Variants in FLRT2 observed in about 807,000 individuals in gnomAD.
FLRT2 encodes leucine-rich repeat transmembrane protein FLRT2.
In FLRT2, 15 loss-of-function variants were observed where a neutral mutation model predicts 40.0. The observed-to-expected ratio is 0.38, with a 90% CI of 0.25 to 0.58. FLRT2 has a LOEUF of 0.58. Among genes scored for constraint, FLRT2 ranks in the 20% least tolerant of loss-of-function variants. The pLI is 0.71. For synonymous variants in FLRT2, 380 were observed against 336.8 expected (o/e 1.13, Z -1.41); for missense variants, 726 against 840.0 (o/e 0.86, Z 1.68).
chr14:85,580,501 A>T (rs1230590756), intron 1 of FLRT2, among the ~76,000 whole-genome samples: 2 of 152,192 alleles, frequency 1.3e-5, no homozygotes, highest in African/African-American at 4.8e-5. Flanking sequence ...ATTTTTAGAA[A>T]ATAGTATTCA....
chr14:85,536,950 C>T (rs1304420285), intron 1 of FLRT2, among the ~76,000 whole-genome samples: 1 of 152,146 alleles, frequency 6.6e-6, no homozygotes, highest in East Asian at 1.9e-4. Flanking sequence ...CACAATGCTG[C>T]TGAATGTAAG....
chr14:85,565,776 T>A (rs1244078324), intron 1 of FLRT2, among the ~76,000 whole-genome samples: 2 of 152,166 alleles, frequency 1.3e-5, no homozygotes, highest in African/African-American at 2.4e-5. Context: ...GAAAATGTGC[T>A]TGATGTGACA....
At chr14:85,537,236 A>T (rs188171528) in intron 1 of FLRT2, among the ~76,000 whole-genome samples, 27 of 152,192 alleles carry the variant, frequency 1.8e-4, no homozygotes, top group Admixed American at 2.6e-4. Context: ...CGATTATTTC[A>T]AATGCTAATT....
In FLRT2 at chr14:85,636,225, T is replaced by A. The variant is rs1893995413; in HGVS notation, c.*12728T>A. 6.6e-6 allele frequency: 1 copy of A among 151,982 alleles called. No individual in the cohort carries two copies. The highest frequency in any genetic ancestry group is 1.5e-5 in the Non-Finnish European group (1 of 67,974). 9.4% of individuals were successfully genotyped at this position (151,982 alleles called of 1,614,324 possible). On this transcript the variant is annotated 3_prime_UTR_variant, in exon 2 of 2. Transcript: ENST00000330753. Reference sequence around the variant, plus strand: ...AGTTAGTTTTAAATATTATGCTACCTCTATAAAGGACCAAAATAGTATTTT... The same window carrying A: ...AGTTAGTTTTAAATATTATGCTACCACTATAAAGGACCAAAATAGTATTTT...
At chr14:85,577,453 T>C (rs1378764982) in intron 1 of FLRT2, among the ~76,000 whole-genome samples, 2 of 152,178 alleles carry the variant, frequency 1.3e-5, no homozygotes, top group Non-Finnish European at 2.9e-5. Flanking sequence ...TAAAAGGAGA[T>C]GCATGGATTT....
chr14:85,546,904 G>A (rs777725766), intron 1 of FLRT2, among the ~76,000 whole-genome samples: 2 of 152,118 alleles, frequency 1.3e-5, no homozygotes, highest in Non-Finnish European at 2.9e-5. Flanking sequence ...AACAAAATAT[G>A]CTGCCTAGAA....
Position 85,622,619 on chromosome 14 carries a change from C to T in FLRT2, c.1105C>T (p.Leu369Phe), listed in dbSNP as rs932839003. ...SCPTTTPGLP[L>F]FTPAPSTASP... ...TCCCACCACGACCCCCGGCCTGCCT[C>T]TCTTCACCCCAGCCCCAAGTACAGC... The change falls in exon 2 of 2, where the codon CTC becomes TTC. Residue 369 changes from leucine to phenylalanine, a missense_variant. By Grantham distance (22) the Leu-to-Phe change is conservative. This residue lies in a region of FLRT2 where 611 missense variants were observed against 690.0 expected (regional missense o/e 0.89). Coordinates refer to ENST00000330753, the MANE Select transcript of FLRT2 (RefSeq NM_013231.6). 1.2e-6 allele frequency: 2 copies of T among 1,613,856 alleles called. No homozygotes were observed. The highest frequency in any genetic ancestry group is 1.7e-6 in the Non-Finnish European group (2 of 1,180,000).
chr14:85,592,133 GA>G (rs1299014674), intron 1 of FLRT2, among the ~76,000 whole-genome samples: 1 of 134,530 alleles, frequency 7.4e-6, no homozygotes, highest in Non-Finnish European at 1.6e-5. Context: ...GTGACAGGAA[GA>G]AAACAAAAAA....
intron 1 of FLRT2, among the ~76,000 whole-genome samples, chr14:85,578,188 A>C (rs936055704): frequency 1.3e-4 from 19 of 140,922 alleles, no homozygotes; most frequent in South Asian, 1.1e-3. Context: ...CTTTATATAT[A>C]TTTATATATA....
rs1393498669 is a variant in FLRT2 at position 85,653,621 on chromosome 14, C to T, written c.*30124C>T. 1 of 152,222 alleles carries T rather than the reference C, an allele frequency of 6.6e-6. No individual in the cohort carries two copies. The highest frequency in any genetic ancestry group is 1.5e-5 in the Non-Finnish European group (1 of 68,062). 9.4% of individuals were successfully genotyped at this position (152,222 alleles called of 1,614,324 possible). On this transcript the variant is annotated 3_prime_UTR_variant, in exon 2 of 2. Transcript: ENST00000330753. Reference sequence around the variant, plus strand: ...AGAAACCCTGGTCCAAGCGAACTGTCTCCTTCACCAAAGCCACCTTGGAGA... The same window carrying T: ...AGAAACCCTGGTCCAAGCGAACTGTTTCCTTCACCAAAGCCACCTTGGAGA...
intron 1 of FLRT2, among the ~76,000 whole-genome samples, chr14:85,533,692 G>A (rs1725240297): frequency 6.6e-6 from 1 of 152,106 alleles, no homozygotes; most frequent in South Asian, 2.1e-4. Flanking sequence ...CCTGGAGGCG[G>A]TGGTGGCGGA....
At chr14:85,620,463 A>G (rs1893331856) in intron 1 of FLRT2, among the ~76,000 whole-genome samples, 1 of 152,150 alleles carries the variant, frequency 6.6e-6, no homozygotes, top group Admixed American at 6.5e-5. Context: ...ATTCTCTAAA[A>G]TTTTCCATTA....
Position 85,622,922 on chromosome 14 carries a change from A to G in FLRT2, c.1408A>G (p.Ile470Val), listed in dbSNP as rs1893479055. ...AGTAGGGGGCATCGTTCAGGAGCGC[A>G]TAGTCAGCGGTGAGAAGCAACACCT... is the stretch of plus-strand genomic sequence containing the variant. ...SLVGGIVQER[I>V]VSGEKQHLSL... Residue 470 changes from isoleucine to valine, a missense_variant, in exon 2 of 2, where the codon ATA becomes GTA. Physicochemically the swap from Ile to Val is conservative, Grantham distance 29 (BLOSUM62 3). Around this residue, in one of 3 missense-constraint regions of FLRT2, gnomAD observed 611 missense variants for 690.0 expected, o/e 0.89. Transcript: ENST00000330753. 1 of 1,614,184 alleles carries G rather than the reference A, an allele frequency of 6.2e-7. No homozygotes were observed. The highest frequency in any genetic ancestry group is 1.1e-5 in the South Asian group (1 of 91,090).
chr14:85,566,642 T>G (rs530465213), intron 1 of FLRT2, among the ~76,000 whole-genome samples: 1 of 151,862 alleles, frequency 6.6e-6, no homozygotes, highest in Non-Finnish European at 1.5e-5. Context: ...TTTCGTATTC[T>G]TCAGTAGTTG....
At chr14:85,562,430 A>G (rs1047415786) in intron 1 of FLRT2, among the ~76,000 whole-genome samples, 2 of 152,144 alleles carry the variant, frequency 1.3e-5, no homozygotes, top group African/African-American at 4.8e-5. Flanking sequence ...GGCTGTGAAG[A>G]CCAAATGCAG....
chr14:85,556,119 A>G (rs748964893), intron 1 of FLRT2, among the ~76,000 whole-genome samples: 8 of 152,206 alleles, frequency 5.3e-5, no homozygotes, highest in Non-Finnish European at 1.2e-4. Context: ...AATATCTTCA[A>G]TGCAATAATA....
chr14:85,600,202 G>T (rs1892323094), intron 1 of FLRT2, among the ~76,000 whole-genome samples: 1 of 152,224 alleles, frequency 6.6e-6, no homozygotes, highest in African/African-American at 2.4e-5. Context: ...TGTAACAAAA[G>T]ATGTTGATGC....
intron 1 of FLRT2, among the ~76,000 whole-genome samples, chr14:85,617,585 A>ACCACAG (rs1400008143): frequency 6.6e-6 from 1 of 152,136 alleles, no homozygotes; most frequent in Non-Finnish European, 1.5e-5. Context: ...TTCAGTAGGA[A>ACCACAG]CCACAGCTGG....
At chr14:85,560,165 A>G (rs953617824) in intron 1 of FLRT2, among the ~76,000 whole-genome samples, 1 of 152,152 alleles carries the variant, frequency 6.6e-6, no homozygotes, top group African/African-American at 2.4e-5. Context: ...GTGGATTTAC[A>G]TCCTACTGGG....
Sources: allele counts gnomAD v4.1 joint callset (sites outside exome capture counted in the v4.1 genomes callset), GRCh38; gene constraint gnomAD v4.1.1; regional missense constraint gnomAD v4.1.1; transcripts MANE v1.5; gene names NCBI Gene and HGNC (gene_info 2026-07-23, HGNC 2026-07-21).